The following RSF1 variants were observed in gnomAD, a reference collection of about 807,000 sequenced individuals.
RSF1 encodes the protein HBV pX-associated protein 8.
A neutral mutation model predicts 145.2 loss-of-function variants in RSF1; 13 were observed. The ratio of observed to expected loss-of-function variants is 0.09; its 90% confidence interval spans 0.06 to 0.14. The LOEUF is 0.14. Ranked by LOEUF, RSF1 falls within the 10% of genes least tolerant of loss-of-function variation. The pLI, the probability that RSF1 is intolerant of heterozygous loss-of-function variation, is 1.00. For synonymous variants in RSF1, 577 were observed against 592.6 expected, an observed-to-expected ratio of 0.97 and a Z score of 0.38; for missense variants, 1,517 against 1,718.2, an observed-to-expected ratio of 0.88 and a Z score of 2.07.
In RSF1 at chr11:77,791,388, C is replaced by T. The variant is rs551860279; in HGVS notation, c.188-26699G>A. ...CTGGGCCAGTGCTGGGATGGGATGC[C>T]GTGAAGACCTCCGACATGCCCTGGA... On this transcript the variant is annotated intron_variant, in intron 1 of 15. Transcript: ENST00000308488. Among the ~76,000 whole-genome samples, 6 of 152,180 alleles carry T rather than the reference C, an allele frequency of 3.9e-5. No individual in the cohort carries two copies. In the South Asian group the frequency reaches 6.2e-4, roughly 16 times the overall value.
At chr11:77,841,232 C>T in the RSF1 span, 1 of 702,410 alleles carries the variant, frequency 1.4e-6, no homozygotes, top group Non-Finnish European at 2.6e-6. Flanking sequence ...AAGGTCCCAC[C>T]TCTTAATGTT....
chr11:77,818,237 C>T (rs1362635292), intron 1 of RSF1, among the ~76,000 whole-genome samples: 1 of 152,134 alleles, frequency 6.6e-6, no homozygotes, highest in Non-Finnish European at 1.5e-5. Context: ...TTAATATAAA[C>T]TAAATGCACT....
intron 7 of RSF1, among the ~76,000 whole-genome samples, chr11:77,694,836 G>A (rs1023712904): frequency 8.5e-5 from 13 of 152,230 alleles, no homozygotes; most frequent in Admixed American, 1.3e-4. Flanking sequence ...TGTCTTCCCT[G>A]ACCGACAGTT....
At chr11:77,766,840 T>C (rs1336407416) in intron 1 of RSF1, among the ~76,000 whole-genome samples, 3 of 152,282 alleles carry the variant, frequency 2.0e-5, no homozygotes, top group Middle Eastern at 3.4e-3. Flanking sequence ...TATTTGCTTT[T>C]TTGTTTTAGG....
At chr11:77,814,720 C>G (rs895410751) in intron 1 of RSF1, among the ~76,000 whole-genome samples, 4 of 152,188 alleles carry the variant, frequency 2.6e-5, no homozygotes, top group African/African-American at 7.2e-5. Flanking sequence ...GCTGGGATTA[C>G]AGGCATGAGC....
intron 1 of RSF1, among the ~76,000 whole-genome samples, chr11:77,773,548 C>A (rs1007593062): frequency 6.6e-6 from 1 of 152,028 alleles, no homozygotes; most frequent in African/African-American, 2.4e-5. Flanking sequence ...AAATCTTATT[C>A]CTTTATATTT....
At chr11:77,683,205 C>A (rs943580962) in intron 11 of RSF1, among the ~76,000 whole-genome samples, 1 of 152,066 alleles carries the variant, frequency 6.6e-6, no homozygotes, top group Non-Finnish European at 1.5e-5. Flanking sequence ...GCACGAGAAT[C>A]GCTTGAACCC....
intron 4 of RSF1, among the ~76,000 whole-genome samples, chr11:77,729,279 T>C (rs1316234960): frequency 6.6e-6 from 1 of 152,194 alleles, no homozygotes; most frequent in East Asian, 1.9e-4. Flanking sequence ...AAGGAAAGGA[T>C]GTAGCTGCTA....
intron 7 of RSF1, 81 bp from the exon 8 acceptor site, chr11:77,693,692 A>G (rs909992198): frequency 2.4e-5 from 21 of 873,654 alleles, no homozygotes; most frequent in Non-Finnish European, 3.9e-5. Context: ...AATATCTCTG[A>G]GTACTATACT....
At chr11:77,813,649 G>A (rs1043603595) in intron 1 of RSF1, 18 of 573,516 alleles carry the variant, frequency 3.1e-5, no homozygotes, top group African/African-American at 1.7e-4. Context: ...AGCTCCACGC[G>A]TGTTTTTCCG....
intron 1 of RSF1, 57 bp downstream of exon 1, chr11:77,820,471 G>C (rs1212412487): frequency 6.0e-6 from 9 of 1,506,660 alleles, no homozygotes; most frequent in Non-Finnish European, 8.0e-6. Context: ...TGTGAAGAGC[G>C]GAGAGTAGCA....
chr11:77,839,827 CA>C, the RSF1 span, among the ~76,000 whole-genome samples: 6 of 151,638 alleles, frequency 4.0e-5, no homozygotes, highest in Non-Finnish European at 7.4e-5. Flanking sequence ...TGGTGGGGGT[CA>C]GGGGGAGGGA....
chr11:77,672,055 G>A lies in RSF1; in HGVS notation c.3738C>T (p.Ser1246=). The change falls in exon 15 of 16, where the codon AGC becomes AGT. Residue 1246 remains serine, a synonymous_variant. Coordinates refer to ENST00000308488, the MANE Select transcript of RSF1 (RefSeq NM_016578.4). ...CCTATGCCTTACCTTCACTCTCTGA[G>A]CTGGAAAGTCTTCGCTTGTGTACTC... is the stretch of plus-strand genomic sequence containing the variant. The part of the protein sequence containing the change: ...IRRVHKRRLS[S]SESEESYLSK... 2 of 1,611,412 alleles carry A rather than the reference G, an allele frequency of 1.2e-6. No individual in the cohort carries two copies. Among genetic ancestry groups the A allele is most frequent in the Non-Finnish European group, 1.7e-6 (2 of 1,179,430 alleles).
At chr11:77,788,746 T>A (rs1418357185) in intron 1 of RSF1, among the ~76,000 whole-genome samples, 1 of 151,706 alleles carries the variant, frequency 6.6e-6, no homozygotes, top group Non-Finnish European at 1.5e-5. Context: ...CAAAGAAAAG[T>A]CTTAAATCTA....
intron 2 of RSF1, among the ~76,000 whole-genome samples, chr11:77,752,563 T>C (rs563385529): frequency 6.6e-6 from 1 of 152,244 alleles, no homozygotes; most frequent in African/African-American, 2.4e-5. Context: ...GGGACCCCTC[T>C]CTGTAGCTGA....
At chr11:77,784,412 T>C (rs544607701) in intron 1 of RSF1, among the ~76,000 whole-genome samples, 2 of 152,276 alleles carry the variant, frequency 1.3e-5, no homozygotes, top group South Asian at 4.1e-4. Context: ...TTACTAATTA[T>C]AATACTTATT....
chr11:77,859,720 T>C, the RSF1 span, among the ~76,000 whole-genome samples: 92 of 152,210 alleles, frequency 6.0e-4, no homozygotes, highest in Non-Finnish European at 1.1e-3. Flanking sequence ...AGGGAACCCC[T>C]AAAAGGTCCC....
At chr11:77,841,640 G>A in the RSF1 span, among the ~76,000 whole-genome samples, 1 of 152,140 alleles carries the variant, frequency 6.6e-6, no homozygotes, top group African/African-American at 2.4e-5. Context: ...CATTAGCCCA[G>A]AATGTTTGGG....
chr11:77,759,998 C>T lies in RSF1; in HGVS notation c.279+4600G>A, dbSNP rs1372116621. The stretch of plus-strand genomic sequence containing the variant: ...ACAACATAAATTGCTATGGTACAGC[C>T]GCTATGGAAAACAGTTTGGCAGGTC... On this transcript the variant is annotated intron_variant, in intron 2 of 15. Coordinates refer to ENST00000308488, the MANE Select transcript of RSF1 (RefSeq NM_016578.4). Among the ~76,000 whole-genome samples the T allele has an allele frequency of 2.6e-5, 4 of 152,086 alleles. No homozygotes were observed. The East Asian group carries it at 7.7e-4, about 29-fold the overall frequency.
Sources: allele counts gnomAD v4.1 joint callset (sites outside exome capture counted in the v4.1 genomes callset), GRCh38; gene constraint gnomAD v4.1.1; transcripts MANE v1.5; gene names NCBI Gene and HGNC (gene_info 2026-07-23, HGNC 2026-07-21).